The following PPFIA2 variants were observed in gnomAD, a reference collection of about 807,000 sequenced individuals.
PPFIA2 encodes PPFI scaffold protein A2.
A neutral mutation model predicts 175.5 loss-of-function variants in PPFIA2; 46 were observed. The ratio of observed to expected loss-of-function variants is 0.26; its 90% CI spans 0.21 to 0.34. PPFIA2 has a LOEUF of 0.34. Among genes scored for constraint, PPFIA2 ranks in the 10% least tolerant of loss-of-function variants. PPFIA2 has a pLI of 1.00. For synonymous variants in PPFIA2, 568 were observed against 511.4 expected (o/e 1.11, Z -1.49); for missense variants, 1,179 against 1,506.1 (o/e 0.78, Z 3.60).
At chr12:81,621,777 G>A (rs2062067265) in intron 4 of PPFIA2, among the ~76,000 whole-genome samples, 1 of 152,192 alleles carries the variant, frequency 6.6e-6, no homozygotes, top group African/African-American at 2.4e-5. Context: ...GGTTTGGAGG[G>A]AAGATCCAGA....
At chr12:81,622,319 T>C (rs2141876) in intron 4 of PPFIA2, among the ~76,000 whole-genome samples, 15,347 of 152,228 alleles carry the variant, frequency 0.1, 958 homozygotes, top group South Asian at 0.17. Context: ...CAGGGCTCAA[T>C]AGCAATACCC....
At chr12:81,326,514 A>T (rs2054797717) in intron 21 of PPFIA2, among the ~76,000 whole-genome samples, 1 of 152,056 alleles carries the variant, frequency 6.6e-6, no homozygotes, top group Non-Finnish European at 1.5e-5. Flanking sequence ...TTTTGAAAAA[A>T]TTCTAAATTT....
At chr12:81,374,958 C>T (rs1347784985) in intron 10 of PPFIA2, among the ~76,000 whole-genome samples, 190 bp from the exon 11 acceptor site, 1 of 152,084 alleles carries the variant, frequency 6.6e-6, no homozygotes, top group Non-Finnish European at 1.5e-5. Context: ...TACATTTCAG[C>T]ACATTAAAAC....
At chr12:81,368,023 G>T in intron 13 of PPFIA2, 2 of 1,031,148 alleles carry the variant, frequency 1.9e-6, no homozygotes, top group Non-Finnish European at 2.6e-6. Context: ...TGTACTAATG[G>T]AAAATGTCTA....
At chr12:81,437,005 T>A (rs926326131) in intron 7 of PPFIA2, among the ~76,000 whole-genome samples, 3 of 152,192 alleles carry the variant, frequency 2.0e-5, no homozygotes, top group African/African-American at 7.2e-5. Flanking sequence ...TTCAGAAAAG[T>A]CTGCAGTAGA....
At chr12:81,630,657 C>T (rs2063268597) in intron 4 of PPFIA2, among the ~76,000 whole-genome samples, 1 of 152,004 alleles carries the variant, frequency 6.6e-6, no homozygotes, top group South Asian at 2.1e-4. Flanking sequence ...AGATTAATAC[C>T]TTCAACAGCT....
chr12:81,353,139 A>C lies in PPFIA2; in HGVS notation c.1974T>G (p.Asp658Glu), dbSNP rs2060313226. The part of the protein sequence containing the change: ...TLAMMLQEQL[D>E]AINKEIRLIQ... ...GTTACCTGATTTCTTTGTTGATGGC[A>C]TCCAATTGTTCCTGAAGCATCATGG... is the stretch of plus-strand genomic sequence containing the variant. Residue 658 changes from aspartate (D) to glutamate (E), a missense_variant, in exon 17 of 33, where the codon GAT (aspartate) becomes GAG (glutamate). Transcript: ENST00000549396. The C allele has an allele frequency of 1.9e-6, 3 of 1,613,684 alleles. No individual in the cohort carries two copies. Among genetic ancestry groups the C allele is most frequent in the Non-Finnish European group, 2.5e-6 (3 of 1,179,792 alleles).
chr12:81,542,397 G>T (rs1170455438), intron 4 of PPFIA2, among the ~76,000 whole-genome samples: 1 of 152,122 alleles, frequency 6.6e-6, no homozygotes, highest in Non-Finnish European at 1.5e-5. Context: ...AATTTATATC[G>T]TTTTAAGCCA....
At chr12:81,555,456 G>A (rs995893445) in intron 4 of PPFIA2, among the ~76,000 whole-genome samples, 2 of 151,832 alleles carry the variant, frequency 1.3e-5, no homozygotes, top group African/African-American at 4.8e-5. Flanking sequence ...AATGATGTTG[G>A]CACATTAATC....
At chr12:81,730,668 C>T (rs1015268476) in intron 3 of PPFIA2, among the ~76,000 whole-genome samples, 7 of 151,596 alleles carry the variant, frequency 4.6e-5, no homozygotes, top group African/African-American at 1.5e-4. Flanking sequence ...AAAACAAACA[C>T]TTGGACCAGA....
chr12:81,542,851 C>T (rs2066424714), intron 4 of PPFIA2, among the ~76,000 whole-genome samples: 2 of 152,080 alleles, frequency 1.3e-5, no homozygotes, highest in Admixed American at 6.6e-5. Flanking sequence ...GGAGAATGAG[C>T]CCCCAACTTC....
intron 3 of PPFIA2, among the ~76,000 whole-genome samples, chr12:81,709,508 C>T (rs560392334): frequency 3.9e-5 from 6 of 152,142 alleles, no homozygotes; most frequent in Admixed American, 6.6e-5. Context: ...CACACACACG[C>T]ATGCATACCA....
At chr12:81,276,935 TA>T (rs2040676377) in intron 28 of PPFIA2, among the ~76,000 whole-genome samples, 3 of 152,104 alleles carry the variant, frequency 2.0e-5, no homozygotes, top group Admixed American at 1.3e-4. Context: ...TAAAATGATA[TA>T]AACCAAAGAT....
At position 81,443,516 on chromosome 12, in the gene PPFIA2, G is replaced by T. The variant is rs75775306; in HGVS notation, c.570+2040C>A. 2.4e-3 allele frequency among the ~76,000 whole-genome samples: 353 copies of T among 149,780 alleles called. 7 individuals are homozygous for T. In the East Asian group the frequency reaches 0.028, roughly 12 times the overall value. ...ATAAAGTAAATTATTTCTAGATTACGTTGTACAACAACCATTTTTTTCTTA... is the reference window on the plus strand; with the variant it reads ...ATAAAGTAAATTATTTCTAGATTACTTTGTACAACAACCATTTTTTTCTTA... On this transcript the variant is annotated intron_variant, in intron 6 of 32. Transcript: ENST00000549396.
At chr12:81,682,079 A>C (rs2073744659) in intron 3 of PPFIA2, among the ~76,000 whole-genome samples, 1 of 152,088 alleles carries the variant, frequency 6.6e-6, no homozygotes, top group African/African-American at 2.4e-5. Context: ...GTTATGGGTT[A>C]AATTATGTTC....
intron 8 of PPFIA2, among the ~76,000 whole-genome samples, chr12:81,389,964 A>C (rs1318972590): frequency 6.6e-6 from 1 of 152,072 alleles, no homozygotes; most frequent in African/African-American, 2.4e-5. Context: ...CCCCAGCCCC[A>C]GACAACCACT....
At chr12:81,639,315 C>T (rs904763400) in intron 4 of PPFIA2, among the ~76,000 whole-genome samples, 2 of 151,908 alleles carry the variant, frequency 1.3e-5, no homozygotes, top group African/African-American at 4.8e-5. Flanking sequence ...TTTCCAAATA[C>T]CATCTGCAAG....
At chr12:81,652,828 C>T (rs11114964) in intron 4 of PPFIA2, among the ~76,000 whole-genome samples, 1 of 152,000 alleles carries the variant, frequency 6.6e-6, no homozygotes, top group Non-Finnish European at 1.5e-5. Context: ...AAGAATTCAC[C>T]TACGCCAAAC....
intron 3 of PPFIA2, among the ~76,000 whole-genome samples, chr12:81,684,969 C>T (rs180832182): frequency 6.6e-6 from 1 of 152,090 alleles, no homozygotes; most frequent in East Asian, 1.9e-4. Context: ...AGGTCTGACA[C>T]CTTAATCATT....
Sources: gnomAD v4.1 joint callset for allele counts (sites outside exome capture counted in the v4.1 genomes callset) on GRCh38, gnomAD v4.1.1 for gene constraint, MANE v1.5 for transcripts, NCBI Gene and HGNC (gene_info 2026-07-23, HGNC 2026-07-21) for gene names.